The following VDAC1 variants were observed in gnomAD, a reference collection of about 807,000 sequenced individuals.
The protein encoded by VDAC1 is non-selective voltage-gated ion channel VDAC1.
Under a neutral mutation model 34.7 loss-of-function variants are expected in VDAC1, and 10 were observed. That is an observed-to-expected ratio of 0.29 (90% confidence interval 0.18 to 0.49). The LOEUF is 0.49. VDAC1 is among the 20% of genes least tolerant of loss of function. The pLI is 0.99. For synonymous variants in VDAC1, 130 were observed against 136.0 expected (o/e 0.96, Z 0.30); for missense variants, 230 against 347.9 (o/e 0.66, Z 2.69).
the VDAC1 span, among the ~76,000 whole-genome samples, chr5:134,075,864 C>G: frequency 6.6e-6 from 1 of 152,160 alleles, no homozygotes; most frequent in African/African-American, 2.4e-5. Context: ...GGATTACACG[C>G]GTGAGCCACC....
the VDAC1 span, among the ~76,000 whole-genome samples, chr5:134,052,016 G>A: frequency 6.6e-5 from 10 of 152,186 alleles, no homozygotes; most frequent in African/African-American, 2.4e-4. Context: ...TAAGCTGAAG[G>A]AATCTGAGCA....
the VDAC1 span, among the ~76,000 whole-genome samples, chr5:134,020,163 T>C: frequency 6.6e-6 from 1 of 151,912 alleles, no homozygotes; most frequent in Admixed American, 6.6e-5. Flanking sequence ...AGTCCCACCT[T>C]TTTCTAATGC....
chr5:133,996,813 C>T (rs1753333066), intron 1 of VDAC1, among the ~76,000 whole-genome samples: 1 of 152,066 alleles, frequency 6.6e-6, no homozygotes, highest in African/African-American at 2.4e-5. Flanking sequence ...ACAATGCAAC[C>T]AGGAAGTAAG....
intron 8 of VDAC1, among the ~76,000 whole-genome samples, chr5:133,973,168 A>G (rs1450892796): frequency 1.3e-5 from 2 of 152,200 alleles, no homozygotes; most frequent in African/African-American, 2.4e-5. Flanking sequence ...GCATGCAGTA[A>G]GCTTCTTTGG....
At chr5:134,056,196 GCAC>G in the VDAC1 span, among the ~76,000 whole-genome samples, 1 of 139,946 alleles carries the variant, frequency 7.1e-6, no homozygotes, top group Non-Finnish European at 1.5e-5. Flanking sequence ...AGCCGATATA[GCAC>G]CATTGCACTC....
At chr5:133,997,553 A>T (rs181670090) in intron 1 of VDAC1, among the ~76,000 whole-genome samples, 90 of 141,242 alleles carry the variant, frequency 6.4e-4, no homozygotes, top group African/African-American at 2.3e-3. Flanking sequence ...AAAAAAAAAT[A>T]AAAAAAAAAA....
intron 5 of VDAC1, among the ~76,000 whole-genome samples, chr5:133,986,795 A>C (rs367787279): frequency 5.9e-5 from 9 of 152,194 alleles, no homozygotes; most frequent in South Asian, 2.1e-4. Flanking sequence ...AGCGTGGTAC[A>C]CTTTCTAAAA....
chr5:134,078,009 C>T, the VDAC1 span, among the ~76,000 whole-genome samples: 1 of 152,202 alleles, frequency 6.6e-6, no homozygotes, highest in Non-Finnish European at 1.5e-5. Context: ...GCCTGGGAGG[C>T]AGGGGAGAGG....
the VDAC1 span, among the ~76,000 whole-genome samples, chr5:134,095,506 A>AATCAATC: frequency 2.0e-5 from 3 of 150,782 alleles, no homozygotes; most frequent in African/African-American, 7.4e-5. Flanking sequence ...ATAAATAAAT[A>AATCAATC]AATAAATAAA....
chr5:134,071,243 T>C, the VDAC1 span, among the ~76,000 whole-genome samples: 1 of 152,228 alleles, frequency 6.6e-6, no homozygotes, highest in Non-Finnish European at 1.5e-5. The surrounding 1 kb of genome is among the most constrained non-coding windows in gnomAD (Gnocchi z 4.1). Context: ...GCTCAGCCAC[T>C]GCCAAGGTGC....
At chr5:134,055,280 T>C in the VDAC1 span, among the ~76,000 whole-genome samples, 4 of 152,052 alleles carry the variant, frequency 2.6e-5, no homozygotes, top group Non-Finnish European at 5.9e-5. Flanking sequence ...GGCTATGGGG[T>C]GATTTGATCT....
rs528582370 is a variant in VDAC1, at chr5:133,979,579, G to A, written c.551+1150C>T. 1.6e-3 allele frequency among the ~76,000 whole-genome samples: 246 copies of A among 151,772 alleles called. 4 individuals carry two copies. Among genetic ancestry groups the A allele is most frequent in the South Asian group, 4.0e-3 (19 of 4,802 alleles). ...CAAGTAGCTGGGATTACAGGCACCCGCCACCACGCCCAGCTAATTTTTGTA... is the reference window on the plus strand; with the variant it reads ...CAAGTAGCTGGGATTACAGGCACCCACCACCACGCCCAGCTAATTTTTGTA... On this transcript the variant is annotated intron_variant, in intron 6 of 8. Coordinates refer to ENST00000265333, the MANE Select transcript of VDAC1 (RefSeq NM_003374.3).
the VDAC1 span, among the ~76,000 whole-genome samples, chr5:134,048,800 A>G: frequency 0.16 from 23,654 of 151,842 alleles, 2,009 homozygotes; most frequent in East Asian, 0.28. Context: ...CTGTGCTCAC[A>G]CTGCATGCAT....
At chr5:134,102,784 A>G in the VDAC1 span, among the ~76,000 whole-genome samples, 1 of 152,122 alleles carries the variant, frequency 6.6e-6, no homozygotes, top group African/African-American at 2.4e-5. Flanking sequence ...ACTTAGCTGC[A>G]TGCTTCAAGA....
At chr5:134,100,666 G>A in the VDAC1 span, among the ~76,000 whole-genome samples, 20 of 152,310 alleles carry the variant, frequency 1.3e-4, no homozygotes, top group African/African-American at 3.6e-4. Flanking sequence ...AACCAGAGCC[G>A]GCCGAGACTC....
At chr5:134,020,689 T>C in the VDAC1 span, among the ~76,000 whole-genome samples, 1 of 143,038 alleles carries the variant, frequency 7.0e-6, no homozygotes, top group African/African-American at 2.5e-5. Flanking sequence ...TGTTTGTTTG[T>C]TTTTTGAGGT....
chr5:134,042,088 C>T, the VDAC1 span, among the ~76,000 whole-genome samples: 1 of 152,176 alleles, frequency 6.6e-6, no homozygotes, highest in East Asian at 1.9e-4. Context: ...AACTTGGAGG[C>T]CAGAACCCCT....
chr5:134,027,109 G>T, the VDAC1 span, among the ~76,000 whole-genome samples: 3 of 152,174 alleles, frequency 2.0e-5, no homozygotes, highest in Non-Finnish European at 4.4e-5. Flanking sequence ...ATCTTACACA[G>T]GACAGGCCCC....
the VDAC1 span, among the ~76,000 whole-genome samples, chr5:134,055,609 T>TG: frequency 7.0e-6 from 1 of 142,522 alleles, no homozygotes; most frequent in African/African-American, 2.6e-5. Context: ...TTTTTTTTTT[T>TG]TTTTTTTTTT....
Sources: allele counts gnomAD v4.1 joint callset (sites outside exome capture counted in the v4.1 genomes callset), GRCh38; gene constraint gnomAD v4.1.1; non-coding constraint Gnocchi (gnomAD v3.1); transcripts MANE v1.5; gene names NCBI Gene and HGNC (gene_info 2026-07-23, HGNC 2026-07-21).